Variants in TMEM132D observed in about 807,000 individuals in gnomAD.
TMEM132D encodes the protein transmembrane protein 132D.
TMEM132D carries 21 observed loss-of-function variants against 62.3 expected under a neutral mutation model. The ratio of observed to expected loss-of-function variants is 0.34; its 90% CI spans 0.24 to 0.49. The LOEUF (loss-of-function observed/expected upper bound fraction) is 0.49, where lower values mean the gene tolerates loss of function less well. TMEM132D is among the 20% of genes least tolerant of loss of function. The probability of loss-of-function intolerance (pLI) is 0.99; values close to 1 mark genes in which losing one functional copy is unlikely to be tolerated. For missense variants in TMEM132D, 1,346 were observed against 1,402.8 expected, an observed-to-expected ratio of 0.96 and a Z score of 0.65; for synonymous variants, 621 against 575.6, an observed-to-expected ratio of 1.08 and a Z score of -1.13.
intron 1 of TMEM132D, among the ~76,000 whole-genome samples, chr12:129,735,635 G>A (rs779969035): frequency 5.3e-5 from 8 of 151,992 alleles, no homozygotes; most frequent in Non-Finnish European, 1.0e-4. Flanking sequence ...TAAAAATAAC[G>A]TAGAGTGCAA....
intron 6 of TMEM132D, among the ~76,000 whole-genome samples, chr12:129,084,042 T>C (rs1377250282): frequency 6.6e-6 from 1 of 152,198 alleles, no homozygotes; most frequent in African/African-American, 2.4e-5. Context: ...AGGGAACATC[T>C]GCTGCCTCCT....
intron 3 of TMEM132D, among the ~76,000 whole-genome samples, chr12:129,480,655 C>T (rs992738273): frequency 1.1e-4 from 16 of 152,290 alleles, no homozygotes; most frequent in East Asian, 3.9e-4. Flanking sequence ...TCCTTAGGGA[C>T]GGTTGGAGGA....
chr12:129,487,199 GGA>G (rs1874610390), intron 3 of TMEM132D, among the ~76,000 whole-genome samples: 1 of 152,092 alleles, frequency 6.6e-6, no homozygotes, highest in Non-Finnish European at 1.5e-5. Context: ...AGCGTGCATG[GGA>G]GAGACAAGGC....
At chr12:129,599,892 C>A (rs1195211873) in intron 2 of TMEM132D, among the ~76,000 whole-genome samples, 1 of 151,922 alleles carries the variant, frequency 6.6e-6, no homozygotes, top group African/African-American at 2.4e-5. Context: ...ATTTTTTTTG[C>A]TGCTGGGAGG....
intron 5 of TMEM132D, among the ~76,000 whole-genome samples, chr12:129,182,226 C>T (rs1878089206): frequency 6.6e-6 from 1 of 152,118 alleles, no homozygotes; most frequent in South Asian, 2.1e-4. Context: ...TAGCCGGGTG[C>T]AGTGGTGCAC....
chr12:129,483,606 C>T (rs762911720), intron 3 of TMEM132D, among the ~76,000 whole-genome samples: 12 of 152,316 alleles, frequency 7.9e-5, no homozygotes, highest in Admixed American at 2.0e-4. Flanking sequence ...TCTGAATATT[C>T]GGTTAGCTTG....
chr12:129,542,530 G>T (rs1876611649), intron 2 of TMEM132D, among the ~76,000 whole-genome samples: 1 of 152,000 alleles, frequency 6.6e-6, no homozygotes, highest in African/African-American at 2.4e-5. Context: ...GCATGAATGG[G>T]GATATAAGAG....
At chr12:129,533,777 T>TTA (rs1259138798) in intron 2 of TMEM132D, among the ~76,000 whole-genome samples, 3 of 151,680 alleles carry the variant, frequency 2.0e-5, no homozygotes, top group African/African-American at 7.3e-5. Flanking sequence ...TCCTGGAATT[T>TTA]TATACAGGAC....
intron 4 of TMEM132D, among the ~76,000 whole-genome samples, chr12:129,280,078 C>A (rs1881102201): frequency 6.6e-6 from 1 of 152,136 alleles, no homozygotes; most frequent in Non-Finnish European, 1.5e-5. Flanking sequence ...TCACTCATTT[C>A]ACAGCAAAGA....
intron 1 of TMEM132D, among the ~76,000 whole-genome samples, chr12:129,801,968 C>T (rs1252326401): frequency 1.7e-4 from 26 of 150,638 alleles, no homozygotes; most frequent in East Asian, 3.9e-4. Context: ...TGAAATGAAG[C>T]GAGAAGGGAA....
At chr12:129,335,417 C>T (rs1869241397) in intron 4 of TMEM132D, among the ~76,000 whole-genome samples, 1 of 152,106 alleles carries the variant, frequency 6.6e-6, no homozygotes. Context: ...GGATTACAGG[C>T]ATGAGCCACC....
At chr12:129,756,314 C>T (rs1056926448) in intron 1 of TMEM132D, among the ~76,000 whole-genome samples, 6 of 152,158 alleles carry the variant, frequency 3.9e-5, no homozygotes, top group African/African-American at 1.2e-4. Flanking sequence ...AACTCTGAAT[C>T]AGGCATATCC....
intron 3 of TMEM132D, among the ~76,000 whole-genome samples, chr12:129,401,253 T>C (rs1915484): frequency 0.28 from 42,053 of 152,116 alleles, 6,792 homozygotes; most frequent in African/African-American, 0.44. Context: ...CCACCCCATA[T>C]GCCAGCCTTG....
At chr12:129,436,392 A>C (rs10847872) in intron 3 of TMEM132D, among the ~76,000 whole-genome samples, 17,708 of 152,140 alleles carry the variant, frequency 0.12, 1,760 homozygotes, top group East Asian at 0.51. Flanking sequence ...ATATATAATT[A>C]TATTTTATTT....
At chr12:129,605,630 C>CATATATATAT (rs1565920123) in intron 2 of TMEM132D, among the ~76,000 whole-genome samples, 41 of 117,816 alleles carry the variant, frequency 3.5e-4, no homozygotes, top group South Asian at 2.9e-3. Flanking sequence ...TATACACACA[C>CATATATATAT]ACACACACAC....
intron 4 of TMEM132D, among the ~76,000 whole-genome samples, chr12:129,298,275 A>G (rs1482833888): frequency 6.6e-6 from 1 of 152,212 alleles, no homozygotes; most frequent in African/African-American, 2.4e-5. Context: ...AGCTAAAGTA[A>G]ACCTACAGCT....
intron 1 of TMEM132D, among the ~76,000 whole-genome samples, chr12:129,869,785 T>C (rs1874183026): frequency 6.6e-6 from 1 of 152,236 alleles, no homozygotes; most frequent in Admixed American, 6.5e-5. Context: ...AGATGGTTAA[T>C]GATAACCGTT....
rs544657465 is a variant in TMEM132D, at chr12:129,727,342, G to C, written c.80-26644C>G. 1.4e-3 allele frequency among the ~76,000 whole-genome samples: 213 copies of C among 152,170 alleles called. 1 individual carries two copies. The highest frequency in any genetic ancestry group is 2.4e-3 in the Non-Finnish European group (163 of 68,032). On this transcript the variant is annotated intron_variant, in intron 1 of 8. Coordinates refer to ENST00000422113, the MANE Select transcript of TMEM132D (RefSeq NM_133448.3). ...AAGGGCAAGAGAGCACCAAGGTGGAGAGAAAAATGAGGGCTGGATTTCATC... is the reference window on the plus strand; with the variant it reads ...AAGGGCAAGAGAGCACCAAGGTGGACAGAAAAATGAGGGCTGGATTTCATC...
At chr12:129,746,403 C>T (rs775068204) in intron 1 of TMEM132D, among the ~76,000 whole-genome samples, 15 of 151,984 alleles carry the variant, frequency 9.9e-5, no homozygotes, top group East Asian at 1.9e-4. Flanking sequence ...AATTAGGAGG[C>T]TGATGAGAAA....
Sources: gnomAD v4.1 joint callset for allele counts (sites outside exome capture counted in the v4.1 genomes callset) on GRCh38, gnomAD v4.1.1 for gene constraint, MANE v1.5 for transcripts, NCBI Gene and HGNC (gene_info 2026-07-23, HGNC 2026-07-21) for gene names.